Variants in MCC observed in about 807,000 individuals in gnomAD.
The protein encoded by MCC is MCC regulator of Wnt signaling pathway.
Under a neutral mutation model 116.2 loss-of-function variants are expected in MCC, and 90 were observed. That is an observed-to-expected ratio of 0.77 (90% confidence interval 0.65 to 0.92). The LOEUF (loss-of-function observed/expected upper bound fraction) is 0.92. MCC is among the 40% of genes least tolerant of loss of function. The probability of loss-of-function intolerance (pLI) is 0.00; values close to 1 mark genes in which losing one functional copy is unlikely to be tolerated. For missense variants in MCC, 1,516 were observed against 1,312.2 expected, an observed-to-expected ratio of 1.16 and a Z score of -2.40; for synonymous variants, 578 against 510.5, an observed-to-expected ratio of 1.13 and a Z score of -1.78.
chr5:113,115,129 G>A (rs987207678), intron 6 of MCC, among the ~76,000 whole-genome samples: 5 of 152,162 alleles, frequency 3.3e-5, no homozygotes, highest in Admixed American at 6.5e-5. Context: ...GGGCCATCAC[G>A]GAGTTTTGCT....
At chr5:113,263,666 C>A (rs533194614) in intron 3 of MCC, among the ~76,000 whole-genome samples, 22 of 152,248 alleles carry the variant, frequency 1.4e-4, no homozygotes, top group African/African-American at 5.3e-4. Flanking sequence ...AGCTATAACA[C>A]AAGATTGCAG....
Position 113,320,955 on chromosome 5 carries a change from C to T in MCC, c.627+19564G>A, listed in dbSNP as rs1040006264. Among the ~76,000 whole-genome samples, 36 of 152,208 alleles carry T rather than the reference C, an allele frequency of 2.4e-4. 1 individual carries two copies. The highest frequency in any genetic ancestry group is 7.3e-5 in the Non-Finnish European group (5 of 68,036). On this transcript the variant is annotated intron_variant, in intron 3 of 18. Transcript: ENST00000408903. ...AATATTTCCAATAGCATAGCCTACACTTTCTTAGTTGACACAATTGTTTGT... is the reference window on the plus strand; with the variant it reads ...AATATTTCCAATAGCATAGCCTACATTTTCTTAGTTGACACAATTGTTTGT...
At chr5:113,128,458 T>C (rs972491992) in intron 5 of MCC, among the ~76,000 whole-genome samples, 1 of 152,254 alleles carries the variant, frequency 6.6e-6, no homozygotes, top group Non-Finnish European at 1.5e-5. Context: ...ATGTATTCCT[T>C]TTAGTTCTCT....
intron 8 of MCC, among the ~76,000 whole-genome samples, chr5:113,096,551 T>A (rs1297562159): frequency 6.6e-6 from 1 of 152,158 alleles, no homozygotes; most frequent in Non-Finnish European, 1.5e-5. Flanking sequence ...ATCAGAAACT[T>A]GTACTGTTGA....
intron 17 of MCC, among the ~76,000 whole-genome samples, chr5:113,031,225 C>T (rs1026537181): frequency 1.3e-5 from 2 of 152,138 alleles, no homozygotes; most frequent in Non-Finnish European, 2.9e-5. Flanking sequence ...CAGCCCAGAA[C>T]TCATTTTTCA....
rs768460808 is a variant in MCC at position 113,143,355 on chromosome 5, C to G, written c.747G>C (p.Glu249Asp). The change falls in exon 5 of 19, where the codon GAG becomes GAC. Residue 249 changes from glutamate (E) to aspartate (D), a missense_variant. Physicochemically the swap from Glu to Asp is conservative, Grantham distance 45 (BLOSUM62 2). Transcript: ENST00000408903. The stretch of plus-strand genomic sequence containing the variant: ...CATGCTCTCTCATGAGGTGGGACTG[C>G]TCGCACTGGGAATAAGGGAAAAGGA... ...LEKKLAKAQC[E>D]QSHLMREHED... 1 of 1,613,688 alleles carries G rather than the reference C, an allele frequency of 6.2e-7. No individual in the cohort carries two copies. The highest frequency in any genetic ancestry group is 1.1e-5 in the South Asian group (1 of 90,978).
chr5:113,445,484 A>G (rs1771183308), intron 1 of MCC, among the ~76,000 whole-genome samples: 1 of 152,142 alleles, frequency 6.6e-6, no homozygotes, highest in Non-Finnish European at 1.5e-5. Flanking sequence ...AATCAAGAAC[A>G]CAATCCCATT....
intron 1 of MCC, among the ~76,000 whole-genome samples, chr5:113,445,357 C>G (rs1460286638): frequency 6.6e-6 from 1 of 152,108 alleles, no homozygotes; most frequent in African/African-American, 2.4e-5. Flanking sequence ...AAGACTCCAC[C>G]AGAAGGCTCC....
At chr5:113,143,414 G>T in intron 4 of MCC, 54 bp from the exon 5 acceptor site, 1 of 1,596,100 alleles carries the variant, frequency 6.3e-7, no homozygotes, top group South Asian at 1.1e-5. Flanking sequence ...ACCTACAGGT[G>T]GATGATTCCA....
chr5:113,238,865 T>C (rs1414240837), intron 3 of MCC, among the ~76,000 whole-genome samples: 2 of 152,228 alleles, frequency 1.3e-5, no homozygotes, highest in Non-Finnish European at 2.9e-5. Context: ...TAAAACATAT[T>C]TTCCAAAGAA....
chr5:113,127,613 C>CT (rs944907275), intron 5 of MCC, among the ~76,000 whole-genome samples: 1 of 152,132 alleles, frequency 6.6e-6, no homozygotes, highest in East Asian at 1.9e-4. Flanking sequence ...CAATATTGAG[C>CT]TTTTTTTCAT....
At chr5:113,373,907 GT>G (rs5870539) in intron 2 of MCC, among the ~76,000 whole-genome samples, 47,340 of 146,202 alleles carry the variant, frequency 0.32, 7,441 homozygotes, top group Admixed American at 0.44. Context: ...TTTTGTTTTT[GT>G]TTTTTTTTTT....
chr5:113,411,110 C>T (rs1002350555), intron 1 of MCC, among the ~76,000 whole-genome samples: 3 of 152,076 alleles, frequency 2.0e-5, no homozygotes, highest in South Asian at 2.1e-4. Context: ...ATCATCCTTT[C>T]GGTATATAAC....
intron 16 of MCC, 33 bp downstream of exon 16, chr5:113,049,060 C>A: frequency 6.2e-7 from 1 of 1,609,402 alleles, no homozygotes; most frequent in Middle Eastern, 1.7e-4. Context: ...AGTCACTGAG[C>A]CTAAGGGTGT....
At chr5:113,395,667 C>T (rs769056423) in intron 1 of MCC, among the ~76,000 whole-genome samples, 12 of 152,174 alleles carry the variant, frequency 7.9e-5, no homozygotes, top group East Asian at 1.9e-4. Flanking sequence ...AATCCATGCA[C>T]GCTTAACCTT....
intron 11 of MCC, among the ~76,000 whole-genome samples, chr5:113,080,142 G>C (rs1754748839): frequency 6.6e-6 from 1 of 152,188 alleles, no homozygotes; most frequent in Non-Finnish European, 1.5e-5. Context: ...TCATTAAAAA[G>C]TCAGGAAACA....
rs773858136 is a variant in MCC at position 113,434,050 on chromosome 5, C to T, written c.171-48838G>A. On this transcript the variant is annotated intron_variant, in intron 1 of 18. Transcript: ENST00000408903. This position sits in a 1 kb window ranked among gnomAD's most constrained non-coding sequence, Gnocchi z 4.2. ...ATCCAGCAGTGGCTGAGGATCTCGT[C>T]GATGTGGAGCCGCCGGTTGACGTCG... 10 of 1,614,044 alleles carry T rather than the reference C, an allele frequency of 6.2e-6. No homozygotes were observed. The highest frequency in any genetic ancestry group is 1.3e-5 in the African/African-American group (1 of 75,060).
intron 8 of MCC, among the ~76,000 whole-genome samples, chr5:113,091,204 T>G (rs753312773): frequency 2.0e-5 from 3 of 152,234 alleles, no homozygotes; most frequent in Non-Finnish European, 2.9e-5. Context: ...AAATTTATAC[T>G]ATCTGCATAC....
At chr5:113,402,586 G>C (rs1198391338) in intron 1 of MCC, among the ~76,000 whole-genome samples, 1 of 152,106 alleles carries the variant, frequency 6.6e-6, no homozygotes, top group East Asian at 1.9e-4. Flanking sequence ...AAAATAATAT[G>C]GGTGAAATGC....
Sources: allele counts gnomAD v4.1 joint callset (sites outside exome capture counted in the v4.1 genomes callset), GRCh38; gene constraint gnomAD v4.1.1; non-coding constraint Gnocchi (gnomAD v3.1); transcripts MANE v1.5; gene names NCBI Gene and HGNC (gene_info 2026-07-23, HGNC 2026-07-21).